Variants in OR9Q1 observed in about 807,000 individuals in gnomAD.
OR9Q1 encodes olfactory receptor 9Q1.
For synonymous variants in OR9Q1, 153 were observed against 148.6 expected (o/e 1.03, Z -0.22); for missense variants, 374 against 378.8 (o/e 0.99, Z 0.11).
At chr11:58,178,739 C>T (rs916611003) in intron 2 of OR9Q1, among the ~76,000 whole-genome samples, 1 of 151,678 alleles carries the variant, frequency 6.6e-6, no homozygotes, top group African/African-American at 2.4e-5. Context: ...AGAATGTGCA[C>T]CCCTGTTCTG....
chr11:58,059,772 A>G (rs1434495069), intron 2 of OR9Q1, among the ~76,000 whole-genome samples: 2 of 150,824 alleles, frequency 1.3e-5, no homozygotes, highest in African/African-American at 4.9e-5. Flanking sequence ...TATTATTTCT[A>G]TTATTATAGT....
chr11:58,056,019 T>G (rs145864521), intron 2 of OR9Q1, 72 bp downstream of exon 2: 1 of 152,332 alleles, frequency 6.6e-6, no homozygotes, highest in African/African-American at 2.4e-5. Context: ...ACAAATGGAC[T>G]AAGACAACCT....
chr11:58,109,650 T>A, intron 2 of OR9Q1: 1 of 454,466 alleles, frequency 2.2e-6, no homozygotes, highest in South Asian at 1.6e-5. Context: ...TGCTGAGATT[T>A]CTTTTGGCCA....
rs1854663156 is a variant in OR9Q1 at position 58,181,269 on chromosome 11, G to A, written c.*892G>A. The A allele has an allele frequency of 6.0e-6, 1 of 167,030 alleles. No homozygotes were observed. The highest frequency in any genetic ancestry group is 2.4e-5 in the African/African-American group (1 of 41,414). The allele number at this position is 167,030 out of a possible 1,614,324, so 10.3% of individuals were successfully genotyped here. A position where few individuals can be genotyped will look rare whatever the true frequency, so the allele number is the denominator to read the frequency against. ...TCTGTATCATAGACATTGACTCTCT[G>A]TGTTCTGAAAGCTTTTTCCTTCAGG... On this transcript the variant is annotated 3_prime_UTR_variant, in exon 3 of 3. Transcript: ENST00000335397.
intron 2 of OR9Q1, among the ~76,000 whole-genome samples, chr11:58,099,560 T>C (rs1217766272): frequency 6.6e-6 from 1 of 152,068 alleles, no homozygotes; most frequent in Non-Finnish European, 1.5e-5. Flanking sequence ...TTGTGTGGCA[T>C]ATAATTTTCC....
intron 2 of OR9Q1, among the ~76,000 whole-genome samples, chr11:58,070,285 G>A (rs1430637541): frequency 6.6e-6 from 1 of 151,884 alleles, no homozygotes; most frequent in Non-Finnish European, 1.5e-5. Flanking sequence ...CAAAGTGCTG[G>A]GATTACAGGT....
chr11:58,142,105 T>C (rs1854255689), intron 2 of OR9Q1, among the ~76,000 whole-genome samples: 1 of 152,218 alleles, frequency 6.6e-6, no homozygotes, highest in Admixed American at 6.5e-5. Flanking sequence ...ACCTTTTCAG[T>C]GAGTCTTTTT....
intron 2 of OR9Q1, among the ~76,000 whole-genome samples, chr11:58,178,579 C>T (rs911577939): frequency 1.3e-4 from 20 of 151,982 alleles, no homozygotes; most frequent in African/African-American, 4.6e-4. Context: ...GTTGTGGTCA[C>T]GGAGAAAAAG....
At chr11:58,142,394 T>C (rs1433095284) in intron 2 of OR9Q1, among the ~76,000 whole-genome samples, 2 of 152,040 alleles carry the variant, frequency 1.3e-5, no homozygotes, top group South Asian at 4.2e-4. Flanking sequence ...GCCAGGATGA[T>C]TTACAGGAAC....
intron 1 of OR9Q1, chr11:58,040,582 G>A (rs1037912283): frequency 1.3e-5 from 2 of 152,218 alleles, no homozygotes; most frequent in Admixed American, 1.3e-4. Flanking sequence ...TAGACCAGAT[G>A]CTTCTATCAA....
intron 2 of OR9Q1, among the ~76,000 whole-genome samples, chr11:58,069,926 C>T (rs1031065206): frequency 6.6e-6 from 1 of 152,064 alleles, no homozygotes; most frequent in African/African-American, 2.4e-5. Flanking sequence ...CCTCTCTCTC[C>T]AAACTCTGGG....
At chr11:58,099,142 C>T (rs1299917232) in intron 2 of OR9Q1, among the ~76,000 whole-genome samples, 1 of 151,714 alleles carries the variant, frequency 6.6e-6, no homozygotes, top group African/African-American at 2.4e-5. Context: ...AATTTGAAGT[C>T]TGCTGGTTTG....
At chr11:58,136,215 T>G (rs1349606643) in intron 2 of OR9Q1, among the ~76,000 whole-genome samples, 1 of 152,190 alleles carries the variant, frequency 6.6e-6, no homozygotes, top group African/African-American at 2.4e-5. Context: ...GAGGTCTGTC[T>G]GGAAGTGAAA....
intron 2 of OR9Q1, among the ~76,000 whole-genome samples, chr11:58,095,465 C>T (rs1428952761): frequency 6.6e-6 from 1 of 152,162 alleles, no homozygotes; most frequent in Non-Finnish European, 1.5e-5. Context: ...ATATTCGAGA[C>T]TGGGTAATTT....
intron 2 of OR9Q1, among the ~76,000 whole-genome samples, chr11:58,178,351 G>A (rs971271758): frequency 1.3e-5 from 2 of 152,112 alleles, no homozygotes; most frequent in African/African-American, 4.8e-5. Context: ...ATTATCACAA[G>A]GACTCTCCAA....
chr11:58,094,914 A>T (rs1853716183), intron 2 of OR9Q1, among the ~76,000 whole-genome samples: 1 of 152,188 alleles, frequency 6.6e-6, no homozygotes, highest in African/African-American at 2.4e-5. Context: ...CTAGTTTTCA[A>T]ATCCTCATGG....
intron 1 of OR9Q1, among the ~76,000 whole-genome samples, chr11:58,032,523 T>A (rs1373074918): frequency 6.6e-6 from 1 of 152,154 alleles, no homozygotes; most frequent in Non-Finnish European, 1.5e-5. Context: ...GAGAAAAGAT[T>A]CCCTACTCAA....
chr11:58,084,713 C>G (rs1853618715), intron 2 of OR9Q1, among the ~76,000 whole-genome samples: 1 of 151,762 alleles, frequency 6.6e-6, no homozygotes, highest in East Asian at 1.9e-4. Flanking sequence ...TCAATAGATG[C>G]AGAAAAAGCT....
intron 1 of OR9Q1, chr11:58,045,480 T>C (rs1416279959): frequency 6.6e-6 from 1 of 152,232 alleles, no homozygotes; most frequent in Non-Finnish European, 1.5e-5. Flanking sequence ...ATGATCCATC[T>C]GTCTTGGCCT....
Sources: gnomAD v4.1 joint callset for allele counts (sites outside exome capture counted in the v4.1 genomes callset) on GRCh38, gnomAD v4.1.1 for gene constraint, MANE v1.5 for transcripts, NCBI Gene and HGNC (gene_info 2026-07-23, HGNC 2026-07-21) for gene names.